CCDC93: variants seen among roughly 807,000 people sequenced by gnomAD.
CCDC93 encodes CCC complex scaffolding subunit CCDC93, also known as coiled-coil domain-containing protein 93.
In CCDC93, 61 loss-of-function variants were observed where a neutral mutation model predicts 108.2. The ratio of observed to expected loss-of-function variants is 0.56; its 90% confidence interval spans 0.46 to 0.70. CCDC93 has a LOEUF of 0.70. CCDC93 is among the 30% of genes least tolerant of loss of function. CCDC93 has a pLI of 0.00. For missense variants in CCDC93, 685 were observed against 764.2 expected (o/e 0.90, Z 1.22); for synonymous variants, 276 against 260.4 (o/e 1.06, Z -0.58).
chr2:117,955,104 A>C (rs561909754), intron 12 of CCDC93, among the ~76,000 whole-genome samples: 1 of 152,348 alleles, frequency 6.6e-6, no homozygotes, highest in Non-Finnish European at 1.5e-5. Flanking sequence ...TGAGGATAAT[A>C]ATAGTACCTC....
chr2:117,921,121 G>T lies in CCDC93; in HGVS notation c.1843-725C>A, dbSNP rs557453300. On this transcript the variant is annotated intron_variant, in intron 23 of 23. Transcript: ENST00000376300. ...GAACCCAGGAGGCGGAGCTTGCAGT[G>T]AGCCGAGATTGTGCCACTGCACTCC... is the stretch of plus-strand genomic sequence containing the variant. Among the ~76,000 whole-genome samples, 14 of 149,748 alleles carry T rather than the reference G, an allele frequency of 9.3e-5. No homozygotes were observed. The East Asian group carries it at 1.6e-3, about 17-fold the overall frequency.
At chr2:117,993,438 C>A (rs1459359452) in intron 6 of CCDC93, among the ~76,000 whole-genome samples, 22 of 141,966 alleles carry the variant, frequency 1.5e-4, no homozygotes, top group African/African-American at 2.1e-4. Context: ...CTTTTGTTAC[C>A]AAAAAAAAAA....
intron 22 of CCDC93, among the ~76,000 whole-genome samples, chr2:117,933,517 T>C (rs1026872395): frequency 1.1e-4 from 17 of 152,140 alleles, no homozygotes; most frequent in Non-Finnish European, 2.5e-4. Context: ...CTGACTGATA[T>C]GTGACCTCTT....
intron 23 of CCDC93, among the ~76,000 whole-genome samples, chr2:117,929,485 A>G (rs529279503): frequency 6.6e-6 from 1 of 152,300 alleles, no homozygotes; most frequent in East Asian, 1.9e-4. Flanking sequence ...GGTCATCCTA[A>G]GCTCTCATCT....
chr2:118,003,901 G>A (rs543319772), intron 3 of CCDC93, among the ~76,000 whole-genome samples: 14 of 152,238 alleles, frequency 9.2e-5, no homozygotes, highest in Non-Finnish European at 1.9e-4. Flanking sequence ...TTCTACCTGC[G>A]GCTCTAGGTG....
In CCDC93 at chr2:117,975,183, C is replaced by A; in HGVS notation, c.750+5G>T. On this transcript the variant is annotated splice_donor_5th_base_variant and intron_variant, in intron 9 of 23. Transcript: ENST00000376300. Reference sequence around the variant, plus strand: ...AACCTCAGAGGGCCTACATGGACCACACACCTCTTCAGCTGCTCGAAGCTC... The same window carrying A: ...AACCTCAGAGGGCCTACATGGACCAAACACCTCTTCAGCTGCTCGAAGCTC... 6.2e-7 allele frequency: 1 copy of A among 1,612,114 alleles called. No individual in the cohort carries two copies. Among genetic ancestry groups the A allele is most frequent in the Non-Finnish European group, 8.5e-7 (1 of 1,178,318 alleles).
intron 13 of CCDC93, chr2:117,951,051 T>G: frequency 1.0e-6 from 1 of 971,600 alleles, no homozygotes; most frequent in Non-Finnish European, 1.2e-6. Context: ...CTTGATTTAG[T>G]ATTTAGTATA....
At chr2:117,993,365 C>CA (rs1438613347) in intron 6 of CCDC93, among the ~76,000 whole-genome samples, 3 of 141,964 alleles carry the variant, frequency 2.1e-5, no homozygotes, top group African/African-American at 7.9e-5. Flanking sequence ...CACTGCACTT[C>CA]AGCCTGGGAG....
At chr2:117,931,491 G>A (rs1029269029) in intron 22 of CCDC93, 15 of 254,268 alleles carry the variant, frequency 5.9e-5, no homozygotes, top group Non-Finnish European at 1.1e-4. Context: ...TCACAACTGC[G>A]AGAAGTGGGT....
chr2:117,945,598 C>T lies in CCDC93; in HGVS notation c.1297-16G>A. The T allele has an allele frequency of 6.2e-7, 1 of 1,610,288 alleles. No homozygotes were observed. The highest frequency in any genetic ancestry group is 8.5e-7 in the Non-Finnish European group (1 of 1,176,624). On this transcript the variant is annotated splice_polypyrimidine_tract_variant and intron_variant, in intron 16 of 23. Coordinates refer to ENST00000376300, the MANE Select transcript of CCDC93 (RefSeq NM_019044.5). ...TGGAGAGGGTCTGAAACAATGAAAA[C>T]ATAATAAACACCTCTCCTGAGCATT...
chr2:117,933,284 T>G (rs928184212), intron 22 of CCDC93, among the ~76,000 whole-genome samples: 3 of 152,154 alleles, frequency 2.0e-5, no homozygotes, highest in African/African-American at 7.2e-5. Flanking sequence ...TCTCAACATT[T>G]CACATCCTAG....
At chr2:117,974,124 G>C (rs1679855668) in intron 10 of CCDC93, 130 bp from the exon 11 acceptor site, 1 of 717,974 alleles carries the variant, frequency 1.4e-6, no homozygotes, top group African/African-American at 1.8e-5. Flanking sequence ...GAAATAATTT[G>C]GCTTTGCCAC....
At chr2:117,922,630 C>T (rs1287881308) in intron 23 of CCDC93, among the ~76,000 whole-genome samples, 1 of 152,108 alleles carries the variant, frequency 6.6e-6, no homozygotes, top group Non-Finnish European at 1.5e-5. Context: ...ATATGGTAGA[C>T]AACAATGTTG....
chr2:117,999,590 AT>A (rs1288610970), intron 4 of CCDC93: 1 of 152,166 alleles, frequency 6.6e-6, no homozygotes, highest in Non-Finnish European at 1.5e-5. Flanking sequence ...ACTGCACAGA[AT>A]GCAGTTGTCC....
chr2:117,991,705 C>A (rs1221791394), intron 6 of CCDC93, among the ~76,000 whole-genome samples: 1 of 152,184 alleles, frequency 6.6e-6, no homozygotes, highest in Non-Finnish European at 1.5e-5. Flanking sequence ...CAGCTCCACA[C>A]CTATTTTATA....
intron 3 of CCDC93, among the ~76,000 whole-genome samples, chr2:118,006,304 A>G (rs78502411): frequency 6.6e-6 from 1 of 152,290 alleles, no homozygotes; most frequent in African/African-American, 2.4e-5. Flanking sequence ...CAAGTGGTCT[A>G]ATGAAATGGC....
intron 3 of CCDC93, among the ~76,000 whole-genome samples, chr2:118,003,132 T>A (rs1573530598): frequency 6.6e-6 from 1 of 152,228 alleles, no homozygotes; most frequent in Non-Finnish European, 1.5e-5. Flanking sequence ...GCAGCCTGTC[T>A]TTGGGACACA....
chr2:118,013,627 T>C (rs1462188356), intron 1 of CCDC93, among the ~76,000 whole-genome samples: 9 of 152,048 alleles, frequency 5.9e-5, no homozygotes, highest in African/African-American at 1.7e-4. Context: ...GGGGAGCCCG[T>C]CCCGGACAGG....
At chr2:118,004,482 C>T (rs1289836821) in intron 3 of CCDC93, among the ~76,000 whole-genome samples, 1 of 152,190 alleles carries the variant, frequency 6.6e-6, no homozygotes, top group African/African-American at 2.4e-5. Context: ...CAAGTGTGCT[C>T]CTTGGACATA....
Sources: gnomAD v4.1 joint callset for allele counts (sites outside exome capture counted in the v4.1 genomes callset) on GRCh38, gnomAD v4.1.1 for gene constraint, MANE v1.5 for transcripts, NCBI Gene and HGNC (gene_info 2026-07-23, HGNC 2026-07-21) for gene names.